Variants in CNTN5 observed in about 807,000 individuals in gnomAD.
The protein encoded by CNTN5 is contactin 5, also known as contactin-5.
CNTN5 carries 77 observed loss-of-function variants against 129.1 expected under a neutral mutation model. That is an observed-to-expected ratio of 0.60 (90% confidence interval 0.50 to 0.72). CNTN5 has a LOEUF of 0.72. Among genes scored for constraint, CNTN5 ranks in the 30% least tolerant of loss-of-function variants. The pLI is 0.00. For synonymous variants in CNTN5, 509 were observed against 465.6 expected (o/e 1.09, Z -1.20); for missense variants, 1,478 against 1,328.8 (o/e 1.11, Z -1.75).
intron 13 of CNTN5, among the ~76,000 whole-genome samples, chr11:100,114,551 C>T (rs921145990): frequency 2.6e-5 from 4 of 152,180 alleles, no homozygotes; most frequent in Non-Finnish European, 4.4e-5. Flanking sequence ...CTTCAGGGCT[C>T]GCCTTTGTCC....
intron 21 of CNTN5, among the ~76,000 whole-genome samples, chr11:100,320,502 T>A (rs1951668065): frequency 6.6e-6 from 1 of 152,212 alleles, no homozygotes; most frequent in Admixed American, 6.5e-5. Flanking sequence ...TTTTTTTCAC[T>A]CTGTTGATTG....
chr11:99,286,440 G>T (rs1863943693), intron 1 of CNTN5, among the ~76,000 whole-genome samples: 1 of 152,186 alleles, frequency 6.6e-6, no homozygotes, highest in African/African-American at 2.4e-5. Flanking sequence ...CATCAGAGTT[G>T]TCTTATATTC....
At chr11:99,504,159 A>C (rs1452286370) in intron 2 of CNTN5, among the ~76,000 whole-genome samples, 1 of 152,160 alleles carries the variant, frequency 6.6e-6, no homozygotes, top group African/African-American at 2.4e-5. Context: ...TTTTTTAGAA[A>C]AGGTAGAGTT....
chr11:99,050,013 C>T (rs1864364011), intron 1 of CNTN5, among the ~76,000 whole-genome samples: 1 of 151,978 alleles, frequency 6.6e-6, no homozygotes, highest in Non-Finnish European at 1.5e-5. Flanking sequence ...GAGTATTATG[C>T]AATGAATTAG....
At chr11:99,277,900 G>A (rs570501226) in intron 1 of CNTN5, among the ~76,000 whole-genome samples, 10 of 151,710 alleles carry the variant, frequency 6.6e-5, no homozygotes, top group Admixed American at 2.6e-4. Context: ...CCTGGATCAC[G>A]ACACAACAAT....
intron 8 of CNTN5, among the ~76,000 whole-genome samples, chr11:99,999,142 C>G (rs1325415760): frequency 1.3e-5 from 2 of 151,822 alleles, no homozygotes; most frequent in South Asian, 4.2e-4. Context: ...CAACAAAAGC[C>G]AAAATTGACA....
chr11:99,137,459 A>G (rs944247279), intron 1 of CNTN5, among the ~76,000 whole-genome samples: 1 of 152,128 alleles, frequency 6.6e-6, no homozygotes, highest in East Asian at 1.9e-4. Flanking sequence ...GGTAGTTTCC[A>G]TGTCACGAAG....
At chr11:99,225,443 C>T (rs546375745) in intron 1 of CNTN5, among the ~76,000 whole-genome samples, 29 of 152,170 alleles carry the variant, frequency 1.9e-4, no homozygotes, top group African/African-American at 6.5e-4. Flanking sequence ...TAATTTTTCA[C>T]GCAGCAGAAC....
intron 13 of CNTN5, among the ~76,000 whole-genome samples, chr11:100,104,879 T>G (rs1235832872): frequency 6.6e-6 from 1 of 152,150 alleles, no homozygotes; most frequent in Non-Finnish European, 1.5e-5. Context: ...CTCCCCTTTT[T>G]GTACTATGCA....
At chr11:99,483,390 T>G (rs1317592877) in intron 2 of CNTN5, among the ~76,000 whole-genome samples, 1 of 151,796 alleles carries the variant, frequency 6.6e-6, no homozygotes, top group Non-Finnish European at 1.5e-5. Flanking sequence ...TTTACTGGAG[T>G]TGTGCGCATG....
intron 3 of CNTN5, among the ~76,000 whole-genome samples, chr11:99,559,009 C>T (rs962934457): frequency 1.3e-5 from 2 of 152,020 alleles, no homozygotes; most frequent in African/African-American, 2.4e-5. Flanking sequence ...TTGCCTTCAT[C>T]CTCATTTTAT....
chr11:99,207,839 A>G (rs1859560614), intron 1 of CNTN5, among the ~76,000 whole-genome samples: 1 of 152,198 alleles, frequency 6.6e-6, no homozygotes, highest in East Asian at 1.9e-4. Context: ...GAAAGTATAT[A>G]TAAAATGAAA....
chr11:99,496,017 T>C (rs1451054881), intron 2 of CNTN5, among the ~76,000 whole-genome samples: 1 of 152,168 alleles, frequency 6.6e-6, no homozygotes, highest in Non-Finnish European at 1.5e-5. Context: ...CACATTTTTG[T>C]TTAAGCACAT....
At chr11:99,240,013 T>A (rs73000220) in intron 1 of CNTN5, among the ~76,000 whole-genome samples, 4,786 of 152,268 alleles carry the variant, frequency 0.031, 107 homozygotes, top group Middle Eastern at 0.071. Context: ...ATTGGAATAT[T>A]GTTTAAGTAG....
In CNTN5 at chr11:100,272,780, C is replaced by G. The variant is rs368652758; in HGVS notation, c.2314+1539C>G. Among the ~76,000 whole-genome samples the G allele has an allele frequency of 1.1e-4, 17 of 152,248 alleles. No individual in the cohort carries two copies. In the East Asian group the frequency reaches 3.1e-3, roughly 28 times the overall value. On this transcript the variant is annotated intron_variant, in intron 18 of 24. Coordinates refer to ENST00000524871, the MANE Select transcript of CNTN5 (RefSeq NM_014361.4). ...GCTCTGGGGGAATTGGTGAGTTGAA[C>G]TGGCAAGGAGCAACCCACTCTTGCC...
At chr11:99,021,712 G>A (rs1327996488) in intron 1 of CNTN5, among the ~76,000 whole-genome samples, 1 of 152,178 alleles carries the variant, frequency 6.6e-6, no homozygotes, top group Non-Finnish European at 1.5e-5. Context: ...TGGGCATCTG[G>A]CATTGCAATA....
chr11:99,726,624 A>G (rs1943349332), intron 3 of CNTN5, among the ~76,000 whole-genome samples: 1 of 152,214 alleles, frequency 6.6e-6, no homozygotes, highest in South Asian at 2.1e-4. Flanking sequence ...ACAAATCCTA[A>G]AAAATAGGAA....
At chr11:99,528,568 C>A (rs547672099) in intron 2 of CNTN5, among the ~76,000 whole-genome samples, 9 of 152,166 alleles carry the variant, frequency 5.9e-5, no homozygotes, top group Non-Finnish European at 1.2e-4. Context: ...TCTTGAGAAA[C>A]TTTATCTTTC....
chr11:99,090,888 G>A (rs1455928973), intron 1 of CNTN5, among the ~76,000 whole-genome samples: 1 of 151,864 alleles, frequency 6.6e-6, no homozygotes, highest in African/African-American at 2.4e-5. Flanking sequence ...CCGTCGCGGT[G>A]GCAGGCGCCT....
Sources: gnomAD v4.1 joint callset for allele counts (sites outside exome capture counted in the v4.1 genomes callset) on GRCh38, gnomAD v4.1.1 for gene constraint, MANE v1.5 for transcripts, NCBI Gene and HGNC (gene_info 2026-07-23, HGNC 2026-07-21) for gene names.